The following CDH12 variants were observed in gnomAD, a reference collection of about 807,000 sequenced individuals.
CDH12 encodes cadherin 12, also known as cadherin-12.
CDH12 carries 41 observed loss-of-function variants against 74.1 expected under a neutral mutation model. That is an observed-to-expected ratio of 0.55 (90% CI 0.43 to 0.72). CDH12 has a LOEUF of 0.72. CDH12 is among the 30% of genes least tolerant of loss of function. The probability of loss-of-function intolerance (pLI) is 0.00; values close to 1 mark genes in which losing one functional copy is unlikely to be tolerated. For synonymous variants in CDH12, 399 were observed against 355.0 expected (o/e 1.12, Z -1.39); for missense variants, 945 against 977.2 (o/e 0.97, Z 0.44).
intron 3 of CDH12, among the ~76,000 whole-genome samples, chr5:22,378,061 A>G (rs1741611787): frequency 6.6e-6 from 1 of 152,110 alleles, no homozygotes; most frequent in Non-Finnish European, 1.5e-5. Context: ...TCCTCTTACT[A>G]CTTATAGTGC....
At chr5:22,700,621 A>G (rs1443241595) in intron 1 of CDH12, among the ~76,000 whole-genome samples, 1 of 152,212 alleles carries the variant, frequency 6.6e-6, no homozygotes, top group Admixed American at 6.5e-5. Context: ...AGTATTGTTG[A>G]ATCTGTATAT....
intron 1 of CDH12, among the ~76,000 whole-genome samples, chr5:22,709,404 C>G (rs1484825456): frequency 2.6e-5 from 4 of 152,042 alleles, no homozygotes; most frequent in Non-Finnish European, 2.9e-5. Context: ...ATTGAGCCAT[C>G]CTTGATCTTA....
rs1216641373 is a variant in CDH12 at position 21,854,055 on chromosome 5, A to C, written c.646+616T>G. On this transcript the variant is annotated intron_variant, in intron 7 of 14. Transcript: ENST00000382254. The stretch of plus-strand genomic sequence containing the variant: ...CTCATTTATTTAAAAGGAAAGACAA[A>C]ATATTCCACATGCATAGCCTCCTGC... 7.9e-5 allele frequency among the ~76,000 whole-genome samples: 12 copies of C among 151,664 alleles called. No homozygotes were observed. In the Admixed American group the frequency reaches 7.9e-4, roughly 10 times the overall value.
At chr5:22,640,702 ACTTTTC>A (rs1739102091) in intron 1 of CDH12, among the ~76,000 whole-genome samples, 1 of 152,140 alleles carries the variant, frequency 6.6e-6, no homozygotes, top group African/African-American at 2.4e-5. Context: ...ACTTTTTAAA[ACTTTTC>A]CTTTACCTTA....
chr5:22,849,483 G>A (rs770747537), intron 1 of CDH12, among the ~76,000 whole-genome samples: 15 of 152,120 alleles, frequency 9.9e-5, no homozygotes, highest in Admixed American at 2.0e-4. Flanking sequence ...GTGCTTTGCC[G>A]GTAAGTCTAA....
At chr5:21,875,584 C>CACTT (rs1319896961) in intron 6 of CDH12, among the ~76,000 whole-genome samples, 80 of 1,572 alleles carry the variant, frequency 0.051, 1 homozygote, top group South Asian at 0.14. Context: ...AAAGCAGTGC[C>CACTT]AATTACTGAC....
At chr5:21,999,105 C>T (rs1483948844) in intron 5 of CDH12, among the ~76,000 whole-genome samples, 1 of 151,944 alleles carries the variant, frequency 6.6e-6, no homozygotes, top group African/African-American at 2.4e-5. Flanking sequence ...CAATAGTAGC[C>T]CTTTCCTTTT....
intron 11 of CDH12, among the ~76,000 whole-genome samples, chr5:21,765,615 T>G (rs1363181903): frequency 6.6e-6 from 1 of 150,926 alleles, no homozygotes; most frequent in Non-Finnish European, 1.5e-5. Flanking sequence ...GAAGTAGAAC[T>G]AAGAGATGGA....
chr5:21,846,631 C>A (rs969518218), intron 7 of CDH12, among the ~76,000 whole-genome samples: 1 of 151,626 alleles, frequency 6.6e-6, no homozygotes, highest in Non-Finnish European at 1.5e-5. Context: ...TCATTTTTTT[C>A]TTGTACTTTC....
chr5:21,853,123 A>G (rs1211764439), intron 7 of CDH12, among the ~76,000 whole-genome samples: 1 of 151,374 alleles, frequency 6.6e-6, no homozygotes. Flanking sequence ...TATATATAAG[A>G]TTTTTTTCAC....
At chr5:22,651,595 C>T (rs767679287) in intron 1 of CDH12, among the ~76,000 whole-genome samples, 1 of 152,074 alleles carries the variant, frequency 6.6e-6, no homozygotes, top group Non-Finnish European at 1.5e-5. Context: ...CACCTGGTCT[C>T]TCTCCCTTGA....
chr5:22,436,546 C>T (rs1423831498), intron 2 of CDH12, among the ~76,000 whole-genome samples: 1 of 151,770 alleles, frequency 6.6e-6, no homozygotes, highest in Non-Finnish European at 1.5e-5. Flanking sequence ...ACTCCAGTTT[C>T]CTGTACAACT....
intron 1 of CDH12, among the ~76,000 whole-genome samples, chr5:22,623,154 T>C (rs992200061): frequency 2.0e-5 from 3 of 152,322 alleles, no homozygotes; most frequent in Non-Finnish European, 4.4e-5. Flanking sequence ...AAATTAGGTA[T>C]TGATGGGACG....
At chr5:22,819,997 A>G (rs905945334) in intron 1 of CDH12, among the ~76,000 whole-genome samples, 1 of 147,476 alleles carries the variant, frequency 6.8e-6, no homozygotes, top group Non-Finnish European at 1.5e-5. Context: ...ACATATACAT[A>G]TATATACATA....
intron 4 of CDH12, among the ~76,000 whole-genome samples, chr5:22,203,813 T>C (rs927035247): frequency 6.6e-6 from 1 of 152,212 alleles, no homozygotes; most frequent in African/African-American, 2.4e-5. Context: ...GATATCTCAC[T>C]GTGTTTGTAA....
chr5:21,815,482 A>C (rs1336588504), intron 9 of CDH12, among the ~76,000 whole-genome samples: 1 of 152,166 alleles, frequency 6.6e-6, no homozygotes, highest in Non-Finnish European at 1.5e-5. Context: ...AGACTCCTTC[A>C]TGTCACCACC....
At chr5:22,803,324 G>T (rs1282109143) in intron 1 of CDH12, among the ~76,000 whole-genome samples, 1 of 152,076 alleles carries the variant, frequency 6.6e-6, no homozygotes, top group Non-Finnish European at 1.5e-5. Context: ...TATGCATCAT[G>T]AATTCAGTAA....
chr5:22,088,081 G>A (rs1415124734), intron 4 of CDH12, among the ~76,000 whole-genome samples: 2 of 152,184 alleles, frequency 1.3e-5, no homozygotes, highest in Admixed American at 6.5e-5. Context: ...TGCATTCTGA[G>A]AGTGAAATTT....
chr5:22,560,335 T>A (rs1231770257), intron 1 of CDH12, among the ~76,000 whole-genome samples: 1 of 152,154 alleles, frequency 6.6e-6, no homozygotes, highest in Non-Finnish European at 1.5e-5. Context: ...ATCCAGTGTA[T>A]CCACGCTGCG....
Sources: gnomAD v4.1 joint callset for allele counts (sites outside exome capture counted in the v4.1 genomes callset) on GRCh38, gnomAD v4.1.1 for gene constraint, MANE v1.5 for transcripts, NCBI Gene and HGNC (gene_info 2026-07-23, HGNC 2026-07-21) for gene names.